PDE10A: variants seen among roughly 807,000 people sequenced by gnomAD.
PDE10A encodes cAMP and cAMP-inhibited cGMP 3',5'-cyclic phosphodiesterase 10A.
In PDE10A, 39 loss-of-function variants were observed where a neutral mutation model predicts 97.7. The observed-to-expected ratio is 0.40, with a 90% CI of 0.31 to 0.52. The LOEUF is 0.52. Ranked by LOEUF, PDE10A falls within the 20% of genes least tolerant of loss-of-function variation. The pLI, the probability that PDE10A is intolerant of heterozygous loss-of-function variation, is 0.56. For missense variants in PDE10A, 731 were observed against 1,047.8 expected, an observed-to-expected ratio of 0.70 and a Z score of 4.17; for synonymous variants, 371 against 376.8, an observed-to-expected ratio of 0.98 and a Z score of 0.18.
chr6:165,978,925 C>T (rs1383514847), intron 1 of PDE10A, among the ~76,000 whole-genome samples: 1 of 151,664 alleles, frequency 6.6e-6, no homozygotes, highest in Non-Finnish European at 1.5e-5. Context: ...ATTCTGTGTG[C>T]CAGAGAAGAA....
At chr6:165,625,652 G>T (rs4709080) in intron 1 of PDE10A, among the ~76,000 whole-genome samples, 36,044 of 151,988 alleles carry the variant, frequency 0.24, 5,234 homozygotes, top group East Asian at 0.4. Context: ...CTGTTCTCAT[G>T]ATAGTGAATA....
At chr6:165,735,119 G>C (rs950734859) in intron 1 of PDE10A, among the ~76,000 whole-genome samples, 1 of 151,950 alleles carries the variant, frequency 6.6e-6, no homozygotes, top group African/African-American at 2.4e-5. Flanking sequence ...TTGGTAGGTA[G>C]GTAGGTAGGT....
At chr6:165,425,572 A>G (rs544822308) in intron 10 of PDE10A, among the ~76,000 whole-genome samples, 1 of 152,298 alleles carries the variant, frequency 6.6e-6, no homozygotes, top group East Asian at 1.9e-4. Context: ...AACCCACAAA[A>G]AAATCATATT....
Position 165,496,724 on chromosome 6 carries a change from T to C in PDE10A, c.995-14381A>G, listed in dbSNP as rs369461318. On this transcript the variant is annotated intron_variant, in intron 2 of 21. Transcript: ENST00000539869. ...TCATTCCAAAATGATTCTGTGATTA[T>C]TAAGACACAGATAATAATATTTTGC... is the stretch of plus-strand genomic sequence containing the variant. Among the ~76,000 whole-genome samples, 35 of 152,368 alleles carry C rather than the reference T, an allele frequency of 2.3e-4. 1 individual carries two copies. The highest frequency in any genetic ancestry group is 8.2e-4 in the African/African-American group (34 of 41,588).
intron 1 of PDE10A, among the ~76,000 whole-genome samples, chr6:165,947,712 A>C (rs1783818274): frequency 6.6e-6 from 1 of 152,180 alleles, no homozygotes; most frequent in African/African-American, 2.4e-5. Flanking sequence ...TTCAATGTGC[A>C]TTAATATGCT....
chr6:165,606,480 G>A (rs1425419912), intron 1 of PDE10A, among the ~76,000 whole-genome samples: 1 of 152,190 alleles, frequency 6.6e-6, no homozygotes, highest in Non-Finnish European at 1.5e-5. Flanking sequence ...GGGGATGGGA[G>A]CGTGGGAAAG....
intron 2 of PDE10A, among the ~76,000 whole-genome samples, chr6:165,501,103 C>G (rs1324748182): frequency 1.3e-5 from 2 of 152,150 alleles, no homozygotes; most frequent in Non-Finnish European, 2.9e-5. Flanking sequence ...ATTGCCGGCT[C>G]GGGTCCTCCA....
At chr6:165,495,665 C>T (rs541010206) in intron 2 of PDE10A, among the ~76,000 whole-genome samples, 4 of 151,944 alleles carry the variant, frequency 2.6e-5, no homozygotes, top group Non-Finnish European at 5.9e-5. Context: ...ATAATAAATT[C>T]CTTTGCTCTA....
At chr6:165,976,740 CAG>C (rs1395393275) in intron 1 of PDE10A, among the ~76,000 whole-genome samples, 1 of 152,156 alleles carries the variant, frequency 6.6e-6, no homozygotes, top group Non-Finnish European at 1.5e-5. Context: ...TAGACTCACA[CAG>C]AGAGTCACGT....
intron 5 of PDE10A, among the ~76,000 whole-genome samples, chr6:165,443,111 C>CAAAA (rs149435215): frequency 1.7e-5 from 1 of 60,392 alleles, no homozygotes; most frequent in South Asian, 8.1e-4. Context: ...GGCTCTGTCT[C>CAAAA]AAAAAAAAAA....
chr6:165,863,613 G>A lies in PDE10A; in HGVS notation c.-615+123916C>T, dbSNP rs573812904. On this transcript the variant is annotated intron_variant, in intron 1 of 19. Transcript: ENST00000366882. ...AAAACTTTTATAAAAGTTCCTTGGC[G>A]CTAATTTTTAAATTTTTATTTATAT... is the stretch of plus-strand genomic sequence containing the variant. Among the ~76,000 whole-genome samples the A allele has an allele frequency of 6.0e-4, 91 of 152,050 alleles. 2 individuals carry two copies. Among genetic ancestry groups the A allele is most frequent in the African/African-American group, 1.9e-3 (77 of 41,468 alleles).
chr6:165,897,569 C>T lies in PDE10A; in HGVS notation c.-615+89960G>A, dbSNP rs2500475. Among the ~76,000 whole-genome samples, 30 of 151,916 alleles carry T rather than the reference C, an allele frequency of 2.0e-4. 1 individual carries two copies. The South Asian group carries it at 4.6e-3, about 23-fold the overall frequency. On this transcript the variant is annotated intron_variant, in intron 1 of 19. Transcript: ENST00000366882. ...ATTGGATGTGAGCATGTGCTGATCT[C>T]GGCAGGAACTGTTTCAATGATGGGA...
intron 1 of PDE10A, among the ~76,000 whole-genome samples, chr6:165,691,097 CTTTCTCTCT>C (rs200298847): frequency 0.01 from 429 of 41,798 alleles, 21 homozygotes; most frequent in African/African-American, 0.032. Context: ...CTCTCTCTCT[CTTTCTCTCT>C]CCCCCCCCCC....
At chr6:165,339,812 C>T (rs73028227) in intron 19 of PDE10A, among the ~76,000 whole-genome samples, 11,705 of 152,200 alleles carry the variant, frequency 0.077, 524 homozygotes, top group Middle Eastern at 0.2. Flanking sequence ...CTAGTAAAGA[C>T]GCAGTACAAC....
chr6:165,851,580 T>C (rs1047016427), intron 1 of PDE10A, among the ~76,000 whole-genome samples: 3 of 152,178 alleles, frequency 2.0e-5, no homozygotes, highest in African/African-American at 7.2e-5. Context: ...AGGTGGGCTA[T>C]TGTAGGTCCT....
chr6:165,604,442 T>C (rs111240459), intron 1 of PDE10A, among the ~76,000 whole-genome samples: 2,799 of 150,282 alleles, frequency 0.019, 84 homozygotes, highest in African/African-American at 0.062. Flanking sequence ...TCCAGCTGAG[T>C]AGGTGACATG....
intron 1 of PDE10A, among the ~76,000 whole-genome samples, chr6:165,596,136 C>A (rs948288546): frequency 2.6e-5 from 4 of 151,998 alleles, no homozygotes; most frequent in Non-Finnish European, 5.9e-5. Context: ...TGATGATCCT[C>A]CATTATTCCA....
intron 13 of PDE10A, among the ~76,000 whole-genome samples, chr6:165,398,012 CTT>C (rs1786313337): frequency 6.6e-6 from 1 of 151,904 alleles, no homozygotes; most frequent in African/African-American, 2.4e-5. Flanking sequence ...CTAAATAAGT[CTT>C]TGTTCTTACT....
chr6:165,986,012 C>G (rs1562343342), intron 1 of PDE10A: 1 of 152,702 alleles, frequency 6.5e-6, no homozygotes, highest in Admixed American at 6.5e-5. Flanking sequence ...TCTGATGAAG[C>G]GTGGCGAGGG....
Sources: gnomAD v4.1 joint callset for allele counts (sites outside exome capture counted in the v4.1 genomes callset) on GRCh38, gnomAD v4.1.1 for gene constraint, MANE v1.5 for transcripts, NCBI Gene and HGNC (gene_info 2026-07-23, HGNC 2026-07-21) for gene names.